Variants in SCHIP1 observed in about 807,000 individuals in gnomAD.
The protein encoded by SCHIP1 is schwannomin-interacting protein 1.
Under a neutral mutation model 29.7 loss-of-function variants are expected in SCHIP1, and 8 were observed. That is an observed-to-expected ratio of 0.27 (90% CI 0.16 to 0.49). The LOEUF (loss-of-function observed/expected upper bound fraction) is 0.49. Among genes scored for constraint, SCHIP1 ranks in the 20% least tolerant of loss-of-function variants. The pLI, the probability that SCHIP1 is intolerant of heterozygous loss-of-function variation, is 0.99. For missense variants in SCHIP1, 193 were observed against 294.6 expected (o/e 0.66, Z 2.52); for synonymous variants, 76 against 94.9 (o/e 0.80, Z 1.16).
the SCHIP1 span, among the ~76,000 whole-genome samples, chr3:159,828,370 TATATACATATATATATAC>T: frequency 2.7e-3 from 292 of 108,238 alleles, 11 homozygotes; most frequent in Middle Eastern, 9.3e-3. Context: ...TTTATATATA[TATATACATATATATATAC>T]ATATATACGT....
the SCHIP1 span, among the ~76,000 whole-genome samples, chr3:159,385,516 T>G: frequency 1.2e-4 from 18 of 149,962 alleles, no homozygotes; most frequent in African/African-American, 4.2e-4. Flanking sequence ...GAGATCACAC[T>G]ACTGTACTTC....
chr3:159,552,600 C>G, the SCHIP1 span, among the ~76,000 whole-genome samples: 1 of 152,110 alleles, frequency 6.6e-6, no homozygotes, highest in Non-Finnish European at 1.5e-5. Context: ...TACATATAGC[C>G]ACCGTGTCCC....
intron 1 of SCHIP1, chr3:159,853,368 A>T (rs1472479750): frequency 1.2e-5 from 8 of 687,158 alleles, no homozygotes; most frequent in Non-Finnish European, 2.1e-5. Context: ...TGAAATTCTA[A>T]AGAGTTAAAG....
the SCHIP1 span, among the ~76,000 whole-genome samples, chr3:159,330,890 C>G: frequency 6.6e-6 from 1 of 152,158 alleles, no homozygotes; most frequent in Admixed American, 6.5e-5. Flanking sequence ...TAGCTCCCCT[C>G]TACTTCCTTC....
the SCHIP1 span, among the ~76,000 whole-genome samples, chr3:159,593,549 G>C: frequency 6.6e-6 from 1 of 152,182 alleles, no homozygotes; most frequent in Non-Finnish European, 1.5e-5. Flanking sequence ...CATCTGTAAT[G>C]CCCCTTCTGG....
the SCHIP1 span, among the ~76,000 whole-genome samples, chr3:159,570,825 C>T: frequency 6.6e-6 from 1 of 152,104 alleles, no homozygotes; most frequent in African/African-American, 2.4e-5. Context: ...TTTAGTTGAG[C>T]AGTGGTTTCT....
chr3:159,726,904 G>A, the SCHIP1 span, among the ~76,000 whole-genome samples: 7 of 152,132 alleles, frequency 4.6e-5, no homozygotes, highest in African/African-American at 1.4e-4. Flanking sequence ...TTTCTTGACC[G>A]GAACTTGAGA....
Position 159,854,505 on chromosome 3 carries a change from G to T in SCHIP1, c.31-11658G>T, listed in dbSNP as rs1713074945. 2.0e-5 allele frequency among the ~76,000 whole-genome samples: 3 copies of T among 152,164 alleles called. No individual in the cohort carries two copies. The South Asian group carries it at 6.2e-4, about 32-fold the overall frequency. Reference sequence around the variant, plus strand: ...TATGTGAAAGCGGTTTCAGTAACCTGCCATGTTGCCGTTTGTGTTTTTCAT... The same window carrying T: ...TATGTGAAAGCGGTTTCAGTAACCTTCCATGTTGCCGTTTGTGTTTTTCAT... On this transcript the variant is annotated intron_variant, in intron 1 of 6. Transcript: ENST00000445224.
the SCHIP1 span, among the ~76,000 whole-genome samples, chr3:159,362,980 G>A: frequency 1.8e-4 from 28 of 152,192 alleles, no homozygotes; most frequent in African/African-American, 6.5e-4. Flanking sequence ...GAGCAAGGAA[G>A]GGTGGTTCAA....
the SCHIP1 span, among the ~76,000 whole-genome samples, chr3:159,374,424 T>C: frequency 6.6e-6 from 1 of 152,172 alleles, no homozygotes; most frequent in African/African-American, 2.4e-5. Context: ...TGCACATCTC[T>C]GTGCCCTGTG....
At chr3:159,892,025 G>A in intron 5 of SCHIP1, 72 bp from the exon 7 acceptor site, 3 of 1,529,702 alleles carry the variant, frequency 2.0e-6, no homozygotes, top group Non-Finnish European at 2.7e-6. Flanking sequence ...GTGTATACTG[G>A]TTGGTAACTA....
chr3:159,771,692 GT>G, the SCHIP1 span, among the ~76,000 whole-genome samples: 93,802 of 144,008 alleles, frequency 0.65, 30,612 homozygotes, highest in East Asian at 0.98. Context: ...TGTCTTTGTT[GT>G]TTTTTTTTTT....
At chr3:159,552,446 C>A in the SCHIP1 span, among the ~76,000 whole-genome samples, 7 of 151,400 alleles carry the variant, frequency 4.6e-5, no homozygotes, top group East Asian at 9.7e-4. Context: ...ATGAATGAAT[C>A]GACAAAAAAA....
chr3:159,692,751 A>G, the SCHIP1 span, among the ~76,000 whole-genome samples: 1 of 146,320 alleles, frequency 6.8e-6, no homozygotes, highest in South Asian at 2.2e-4. Context: ...GAGGGAGACT[A>G]CTAAGAAGGA....
chr3:159,473,984 T>G, the SCHIP1 span, among the ~76,000 whole-genome samples: 2 of 152,218 alleles, frequency 1.3e-5, no homozygotes, highest in South Asian at 4.1e-4. Context: ...AGTTTTTCAT[T>G]CCAAAATGCA....
At chr3:159,332,164 A>T in the SCHIP1 span, among the ~76,000 whole-genome samples, 1 of 152,214 alleles carries the variant, frequency 6.6e-6, no homozygotes, top group African/African-American at 2.4e-5. Context: ...CTCTGAAGGC[A>T]GTGACTCTAT....
chr3:159,598,100 A>G, the SCHIP1 span, among the ~76,000 whole-genome samples: 1 of 152,190 alleles, frequency 6.6e-6, no homozygotes, highest in Non-Finnish European at 1.5e-5. Context: ...ACCTCCCACA[A>G]GGTCCCTTCC....
chr3:159,822,636 G>C, the SCHIP1 span, among the ~76,000 whole-genome samples: 1 of 144,242 alleles, frequency 6.9e-6, no homozygotes, highest in Admixed American at 6.9e-5. Flanking sequence ...TGCAAAAGTA[G>C]ATGCGGTTTT....
At chr3:159,278,122 C>A in the SCHIP1 span, among the ~76,000 whole-genome samples, 15 of 152,104 alleles carry the variant, frequency 9.9e-5, no homozygotes, top group Non-Finnish European at 4.4e-5. Context: ...TAAGGGTCAT[C>A]AGTGCAGTGT....
Sources: allele counts gnomAD v4.1 joint callset (sites outside exome capture counted in the v4.1 genomes callset), GRCh38; gene constraint gnomAD v4.1.1; transcripts MANE v1.5; gene names NCBI Gene and HGNC (gene_info 2026-07-23, HGNC 2026-07-21).